LMCD1: variants seen among roughly 807,000 people sequenced by gnomAD.
LMCD1 encodes the protein LIM and cysteine rich domains 1, also known as LIM and cysteine-rich domains protein 1.
LMCD1 carries 32 observed loss-of-function variants against 42.7 expected under a neutral mutation model. The observed-to-expected ratio is 0.75, with a 90% confidence interval of 0.57 to 1.01. The LOEUF is 1.01. Ranked by LOEUF, LMCD1 falls within the 50% of genes least tolerant of loss-of-function variation. LMCD1 has a pLI of 0.00. For missense variants in LMCD1, 458 were observed against 483.1 expected (o/e 0.95, Z 0.49); for synonymous variants, 178 against 184.9 (o/e 0.96, Z 0.30).
intron 4 of LMCD1, among the ~76,000 whole-genome samples, chr3:8,553,653 C>T (rs769390808): frequency 3.2e-4 from 48 of 152,200 alleles, no homozygotes; most frequent in Admixed American, 7.2e-4. Context: ...GCACCTCGGT[C>T]CACTTCAGAA....
chr3:8,512,866 T>C (rs1694027720), intron 1 of LMCD1, among the ~76,000 whole-genome samples: 1 of 152,332 alleles, frequency 6.6e-6, no homozygotes, highest in East Asian at 1.9e-4. Flanking sequence ...CCAGATGACT[T>C]GCTTGAGGTC....
intron 3 of LMCD1, among the ~76,000 whole-genome samples, chr3:8,547,754 C>G (rs1694764918): frequency 1.0e-5 from 1 of 98,878 alleles, no homozygotes; most frequent in Non-Finnish European, 2.2e-5. Flanking sequence ...TTAGCAGTGG[C>G]GGGCACCTGT....
intron 3 of LMCD1, among the ~76,000 whole-genome samples, chr3:8,544,714 A>G (rs1222535190): frequency 2.0e-5 from 3 of 152,156 alleles, no homozygotes; most frequent in Non-Finnish European, 2.9e-5. Context: ...ATGAATTTCC[A>G]TGTTCACTCC....
At chr3:8,515,051 A>C (rs972750814) in intron 1 of LMCD1, 5 of 456,732 alleles carry the variant, frequency 1.1e-5, no homozygotes, top group African/African-American at 1.0e-4. Flanking sequence ...TTTGATAAAC[A>C]GTTGGAAAGT....
intron 1 of LMCD1, among the ~76,000 whole-genome samples, chr3:8,517,268 AT>A (rs1197624133): frequency 4.6e-5 from 7 of 152,232 alleles, no homozygotes; most frequent in Non-Finnish European, 1.0e-4. Flanking sequence ...CACCAAAATT[AT>A]TTAAAATATT....
chr3:8,525,048 A>C (rs1694275061), intron 1 of LMCD1, among the ~76,000 whole-genome samples: 1 of 151,974 alleles, frequency 6.6e-6, no homozygotes, highest in Non-Finnish European at 1.5e-5. Flanking sequence ...TTACATGGTG[A>C]GAATACTTAA....
chr3:8,530,591 C>A (rs939852790), intron 1 of LMCD1, among the ~76,000 whole-genome samples: 1 of 152,222 alleles, frequency 6.6e-6, no homozygotes, highest in Non-Finnish European at 1.5e-5. Flanking sequence ...AATGCTTCCA[C>A]CTACCTCTCC....
intron 1 of LMCD1, among the ~76,000 whole-genome samples, chr3:8,510,553 A>G (rs968637917): frequency 6.6e-6 from 1 of 152,212 alleles, no homozygotes; most frequent in African/African-American, 2.4e-5. Context: ...ATTTCTTTCT[A>G]CTGTGAATAA....
chr3:8,538,290 G>C (rs1009451378), intron 3 of LMCD1, among the ~76,000 whole-genome samples: 3 of 152,188 alleles, frequency 2.0e-5, no homozygotes, highest in African/African-American at 7.2e-5. Flanking sequence ...GATACCGCAC[G>C]CCTGACATAC....
chr3:8,566,280 T>C (rs1189804926), intron 5 of LMCD1, among the ~76,000 whole-genome samples: 1 of 152,238 alleles, frequency 6.6e-6, no homozygotes, highest in Non-Finnish European at 1.5e-5. Flanking sequence ...CTCTAAGGTG[T>C]ATTAATAATG....
chr3:8,567,280 T>C (rs1695145503), intron 5 of LMCD1, among the ~76,000 whole-genome samples, 160 bp from the exon 6 acceptor site: 1 of 152,078 alleles, frequency 6.6e-6, no homozygotes, highest in South Asian at 2.1e-4. Context: ...AATATTATCC[T>C]TACTGCCTCA....
chr3:8,565,360 C>A, intron 4 of LMCD1, 72 bp from the exon 5 acceptor site: 1 of 1,345,004 alleles, frequency 7.4e-7, no homozygotes, highest in Non-Finnish European at 1.1e-6. Context: ...AAGGCTGGAG[C>A]TGGAATTCGA....
chr3:8,540,711 G>A (rs1694606663), intron 3 of LMCD1, among the ~76,000 whole-genome samples: 1 of 152,222 alleles, frequency 6.6e-6, no homozygotes, highest in African/African-American at 2.4e-5. Context: ...GGATTTGGGG[G>A]AAGGAAAGAG....
At chr3:8,537,511 G>A in intron 3 of LMCD1, 71 bp downstream of exon 3, 1 of 1,474,158 alleles carries the variant, frequency 6.8e-7, no homozygotes, top group South Asian at 1.5e-5. Flanking sequence ...AAGTGTTTCT[G>A]AATTTCAAAC....
intron 1 of LMCD1, among the ~76,000 whole-genome samples, chr3:8,516,597 A>G (rs1438443276): frequency 6.6e-6 from 1 of 152,232 alleles, no homozygotes; most frequent in Non-Finnish European, 1.5e-5. Context: ...CCTTTAAAAA[A>G]AAAATGCTTA....
intron 2 of LMCD1, among the ~76,000 whole-genome samples, chr3:8,535,479 C>T (rs1044165854): frequency 1.3e-5 from 2 of 152,156 alleles, no homozygotes; most frequent in Non-Finnish European, 2.9e-5. Flanking sequence ...CAAGCTTCTC[C>T]AGTAGCATTC....
intron 1 of LMCD1, among the ~76,000 whole-genome samples, chr3:8,515,901 T>G (rs1448265643): frequency 6.6e-6 from 1 of 151,494 alleles, no homozygotes. Context: ...ACTGGCAAAG[T>G]AGGAGTGGGT....
At chr3:8,561,770 G>A (rs548843774) in intron 4 of LMCD1, among the ~76,000 whole-genome samples, 1 of 152,112 alleles carries the variant, frequency 6.6e-6, no homozygotes, top group Non-Finnish European at 1.5e-5. Context: ...TAACTCTCTC[G>A]GGCTTATGTA....
chr3:8,553,620 G>A (rs1433900895), intron 4 of LMCD1, among the ~76,000 whole-genome samples: 3 of 152,136 alleles, frequency 2.0e-5, no homozygotes, highest in Admixed American at 6.5e-5. Context: ...CTGACGAGAC[G>A]GGGCCACCTA....
Sources: allele counts gnomAD v4.1 joint callset (sites outside exome capture counted in the v4.1 genomes callset), GRCh38; gene constraint gnomAD v4.1.1; transcripts MANE v1.5; gene names NCBI Gene and HGNC (gene_info 2026-07-23, HGNC 2026-07-21).